Variants in PI4KA observed in about 807,000 individuals in gnomAD.
PI4KA encodes the protein PI4-kinase alpha.
A neutral mutation model predicts 271.4 loss-of-function variants in PI4KA; 122 were observed. The ratio of observed to expected loss-of-function variants is 0.45; its 90% CI spans 0.39 to 0.52. The LOEUF is 0.52. Ranked by LOEUF, PI4KA falls within the 20% of genes least tolerant of loss-of-function variation. PI4KA has a pLI of 0.00. For synonymous variants in PI4KA, 1,041 were observed against 1,078.8 expected (o/e 0.96, Z 0.69); for missense variants, 1,969 against 2,769.1 (o/e 0.71, Z 6.48).
At chr22:20,842,662 A>C (rs149190243) in intron 1 of PI4KA, among the ~76,000 whole-genome samples, 1 of 151,774 alleles carries the variant, frequency 6.6e-6, no homozygotes, top group Non-Finnish European at 1.5e-5. Flanking sequence ...AAAATACAAA[A>C]ATCAGCCAGG....
At chr22:20,757,517 T>C (rs1601419248) in intron 23 of PI4KA, among the ~76,000 whole-genome samples, 1 of 151,386 alleles carries the variant, frequency 6.6e-6, no homozygotes, top group East Asian at 1.9e-4. Flanking sequence ...GAATATTCTC[T>C]AGAAGGCTGG....
intron 52 of PI4KA, chr22:20,710,398 C>G (rs1925098732): frequency 1.8e-6 from 1 of 545,646 alleles, no homozygotes; most frequent in Non-Finnish European, 3.3e-6. Context: ...TGGCACGTAG[C>G]CTGTGGGGTG....
intron 29 of PI4KA, among the ~76,000 whole-genome samples, chr22:20,746,550 C>T (rs145742690): frequency 6.6e-6 from 1 of 152,310 alleles, no homozygotes; most frequent in East Asian, 1.9e-4. Flanking sequence ...TTTGCTCCTA[C>T]CACCCCCAAA....
At chr22:20,816,824 T>C (rs566431485) in intron 7 of PI4KA, among the ~76,000 whole-genome samples, 16 of 150,560 alleles carry the variant, frequency 1.1e-4, no homozygotes, top group South Asian at 6.4e-4. Flanking sequence ...TCAGCCACAT[T>C]AGTGTGCTCC....
In PI4KA at chr22:20,819,875, T is replaced by C. The variant is rs1922390033; in HGVS notation, c.555A>G (p.Pro185=). Residue 185 remains proline (P), a synonymous_variant, in exon 6 of 55, where the codon CCA becomes CCG. Transcript: ENST00000255882. ...ATGCTCGCGAGATTCCTATCAGGCA[T>C]GGGATAGCATACTTGCAAAGGTATT... ...DKEYLCKYAI[P]CLIGISRAFG... 1.2e-6 allele frequency: 2 copies of C among 1,614,036 alleles called. No homozygotes were observed. Among genetic ancestry groups the C allele is most frequent in the African/African-American group, 1.3e-5 (1 of 75,064 alleles).
chr22:20,819,749 T>G lies in PI4KA; in HGVS notation c.681A>C (p.Arg227=), dbSNP rs1601566081. 6.2e-7 allele frequency: 1 copy of G among 1,614,130 alleles called. No homozygotes were observed. The highest frequency in any genetic ancestry group is 1.7e-5 in the Admixed American group (1 of 60,006). ...LRVLEELEGV[R]RRSFNDFRSI... ...AGCGGAAGTCATTAAAGGAACGCCT[T>G]CGAACACCTTCAAGCTCTTCCAGGA... is the stretch of plus-strand genomic sequence containing the variant. Residue 227 remains arginine, a synonymous_variant, in exon 6 of 55, where the codon CGA becomes CGC. Transcript: ENST00000255882.
chr22:20,761,485 T>C (rs759350078), intron 22 of PI4KA, 99 bp from the exon 23 acceptor site: 11 of 760,390 alleles, frequency 1.4e-5, no homozygotes, highest in Non-Finnish European at 2.6e-5. Flanking sequence ...GAAGAACATT[T>C]GCCCTCTGTC....
At chr22:20,779,687 T>TA in intron 19 of PI4KA, 2 of 1,614,202 alleles carry the variant, frequency 1.2e-6, no homozygotes, top group Non-Finnish European at 1.7e-6. Context: ...GGATCCAGCG[T>TA]CTTAACATCC....
At position 20,712,735 on chromosome 22, in the gene PI4KA, G is replaced by A. The variant is rs1479482233; in HGVS notation, c.5634C>T (p.Asp1878=). The A allele has an allele frequency of 6.4e-6, 10 of 1,551,396 alleles. No homozygotes were observed. The East Asian group carries it at 1.2e-4, about 19-fold the overall frequency. ...CCACGCGGTAGGGAAAAACAAAGAG[G>A]TCCAGGCCGACCAGCTGGAAGATGT... ...FKNIFQLVGL[D]LFVFPYRVVA... Residue 1878 remains aspartate (D), a synonymous_variant, in exon 49 of 55, where the codon GAC becomes GAT. Coordinates refer to ENST00000255882, the MANE Select transcript of PI4KA (RefSeq NM_058004.4).
intron 1 of PI4KA, among the ~76,000 whole-genome samples, chr22:20,840,600 T>C (rs980370257): frequency 3.3e-5 from 5 of 152,184 alleles, no homozygotes; most frequent in African/African-American, 9.7e-5. Context: ...GTTAGCATGG[T>C]AGCAATCAAC....
At chr22:20,758,179 C>G (rs1931518395) in intron 23 of PI4KA, among the ~76,000 whole-genome samples, 2 of 151,848 alleles carry the variant, frequency 1.3e-5, no homozygotes, top group African/African-American at 4.8e-5. Flanking sequence ...TTCTGGCTAA[C>G]ACAGTGAAAC....
At chr22:20,810,817 C>T (rs536061218) in intron 9 of PI4KA, 150 bp downstream of exon 9, 70 of 689,080 alleles carry the variant, frequency 1.0e-4, no homozygotes, top group East Asian at 9.5e-4. Context: ...CCAAGCCCTC[C>T]GCGGCAGGTG....
intron 36 of PI4KA, 108 bp downstream of exon 36, chr22:20,732,863 G>T: frequency 3.1e-6 from 4 of 1,271,946 alleles, no homozygotes; most frequent in Non-Finnish European, 4.5e-6. Context: ...AGGGCTCAGG[G>T]GGGTCTAACT....
At chr22:20,769,612 T>A (rs1476060433) in intron 19 of PI4KA, among the ~76,000 whole-genome samples, 3 of 148,418 alleles carry the variant, frequency 2.0e-5, no homozygotes, top group Admixed American at 6.8e-5. Flanking sequence ...GAGGTTGCAG[T>A]GAGCCAAGAT....
At chr22:20,724,994 G>C (rs929478652) in intron 42 of PI4KA, among the ~76,000 whole-genome samples, 3 of 152,236 alleles carry the variant, frequency 2.0e-5, no homozygotes, top group Non-Finnish European at 4.4e-5. Context: ...CAGAGGCGCA[G>C]AGAGTGTGGC....
chr22:20,721,518 G>C (rs1926735827), intron 42 of PI4KA, 100 bp from the exon 43 acceptor site: 1 of 1,311,946 alleles, frequency 7.6e-7, no homozygotes, highest in African/African-American at 1.5e-5. Context: ...GACCAGGCAA[G>C]GGTAAGGCCC....
intron 36 of PI4KA, among the ~76,000 whole-genome samples, chr22:20,732,406 C>T (rs894208097): frequency 1.3e-5 from 2 of 152,096 alleles, no homozygotes; most frequent in African/African-American, 4.8e-5. Flanking sequence ...CTTTGCGTGG[C>T]ATGTTTTCAT....
intron 23 of PI4KA, among the ~76,000 whole-genome samples, chr22:20,759,234 G>A (rs548734347): frequency 6.6e-6 from 1 of 152,110 alleles, no homozygotes; most frequent in East Asian, 1.9e-4. Flanking sequence ...TGTACAGATG[G>A]GGTATTGCTA....
At chr22:20,844,500 G>A (rs1237529792) in intron 1 of PI4KA, among the ~76,000 whole-genome samples, 3 of 152,214 alleles carry the variant, frequency 2.0e-5, no homozygotes, top group Middle Eastern at 3.2e-3. Flanking sequence ...TCCCTCATGA[G>A]CGTTACAATC....
Sources: gnomAD v4.1 joint callset for allele counts (sites outside exome capture counted in the v4.1 genomes callset) on GRCh38, gnomAD v4.1.1 for gene constraint, MANE v1.5 for transcripts, NCBI Gene and HGNC (gene_info 2026-07-23, HGNC 2026-07-21) for gene names.